The following SLC30A7 variants were observed in gnomAD, a reference collection of about 807,000 sequenced individuals.
SLC30A7 encodes the protein solute carrier family 30 member 7, also known as zinc transporter 7.
A neutral mutation model predicts 46.0 loss-of-function variants in SLC30A7; 35 were observed. The observed-to-expected ratio is 0.76, with a 90% CI of 0.58 to 1.01. The LOEUF (loss-of-function observed/expected upper bound fraction) is 1.01, where lower values mean the gene tolerates loss of function less well. Ranked by LOEUF, SLC30A7 falls within the 50% of genes least tolerant of loss-of-function variation. The pLI, the probability that SLC30A7 is intolerant of heterozygous loss-of-function variation, is 0.00. For synonymous variants in SLC30A7, 147 were observed against 157.8 expected (o/e 0.93, Z 0.51); for missense variants, 464 against 451.1 (o/e 1.03, Z -0.26).
At chr1:100,988,396 T>C in the SLC30A7 span, among the ~76,000 whole-genome samples, 1,219 of 152,300 alleles carry the variant, frequency 8.0e-3, 13 homozygotes, top group African/African-American at 0.028. Flanking sequence ...CAGTTTATAA[T>C]TGGGAGGGTT....
chr1:100,969,615 C>G (rs1656047914), intron 10 of SLC30A7, among the ~76,000 whole-genome samples: 1 of 152,216 alleles, frequency 6.6e-6, no homozygotes, highest in South Asian at 2.1e-4. Context: ...GTTTATTCAG[C>G]TGCTTCTTTG....
At chr1:100,967,610 C>T (rs969157262) in intron 10 of SLC30A7, among the ~76,000 whole-genome samples, 4 of 152,172 alleles carry the variant, frequency 2.6e-5, no homozygotes, top group African/African-American at 9.7e-5. Context: ...CAGAACATGA[C>T]CTATGTGGTA....
chr1:100,990,439 C>G, the SLC30A7 span: 15 of 1,614,034 alleles, frequency 9.3e-6, no homozygotes, highest in African/African-American at 2.0e-4. Flanking sequence ...AGATTCTGAG[C>G]TATTTTCTGG....
At chr1:100,992,714 C>G in the SLC30A7 span, 1 of 1,613,282 alleles carries the variant, frequency 6.2e-7, no homozygotes, top group Non-Finnish European at 8.5e-7. Context: ...ACTCATATAC[C>G]GTGGAGGTTC....
chr1:100,965,616 G>C (rs1655815696), intron 9 of SLC30A7, among the ~76,000 whole-genome samples, 153 bp from the exon 10 acceptor site: 1 of 152,126 alleles, frequency 6.6e-6, no homozygotes, highest in Non-Finnish European at 1.5e-5. Flanking sequence ...TAGTACTCAA[G>C]AGTATTTATT....
At chr1:100,911,562 A>C (rs533968396) in intron 4 of SLC30A7, among the ~76,000 whole-genome samples, 5 of 152,136 alleles carry the variant, frequency 3.3e-5, no homozygotes, top group African/African-American at 1.2e-4. Context: ...TTATTTATTT[A>C]GTTTTTGAGA....
intron 6 of SLC30A7, 150 bp from the exon 7 acceptor site, chr1:100,917,927 T>C (rs1251622045): frequency 4.3e-6 from 2 of 469,190 alleles, no homozygotes; most frequent in African/African-American, 4.0e-5. Flanking sequence ...ACTCAATTAT[T>C]TTATTAAATT....
chr1:100,910,959 A>G, intron 3 of SLC30A7, 104 bp from the exon 4 acceptor site: 1 of 864,772 alleles, frequency 1.2e-6, no homozygotes. Flanking sequence ...CTGGCCACTT[A>G]TAACCATGTA....
At chr1:100,904,151 C>T (rs1192263636) in intron 2 of SLC30A7, among the ~76,000 whole-genome samples, 2 of 152,112 alleles carry the variant, frequency 1.3e-5, no homozygotes, top group Non-Finnish European at 2.9e-5. Context: ...GGTCACGGAA[C>T]TAGTAAATTT....
intron 7 of SLC30A7, among the ~76,000 whole-genome samples, chr1:100,920,569 A>G (rs1329952597): frequency 2.0e-5 from 3 of 152,122 alleles, no homozygotes; most frequent in African/African-American, 7.2e-5. Flanking sequence ...TTTATATTTA[A>G]TATAATATTT....
chr1:100,901,419 T>C (rs1401369667), intron 2 of SLC30A7, among the ~76,000 whole-genome samples: 1 of 152,222 alleles, frequency 6.6e-6, no homozygotes, highest in African/African-American at 2.4e-5. Context: ...CTTCTGTATT[T>C]ATGTATTCAG....
intron 10 of SLC30A7, among the ~76,000 whole-genome samples, chr1:100,967,613 A>G (rs1655936650): frequency 6.6e-6 from 1 of 152,212 alleles, no homozygotes; most frequent in African/African-American, 2.4e-5. Context: ...AACATGACCT[A>G]TGTGGTACTC....
At chr1:100,984,747 A>G (rs1006928629), downstream of SLC30A7, among the ~76,000 whole-genome samples, 1 of 152,246 alleles carries the variant, frequency 6.6e-6, no homozygotes, top group African/African-American at 2.4e-5. Flanking sequence ...TGTCCAAGCT[A>G]TAATCCAAAA....
the SLC30A7 span, among the ~76,000 whole-genome samples, chr1:100,987,235 T>G: frequency 1.3e-5 from 2 of 152,328 alleles, no homozygotes; most frequent in African/African-American, 2.4e-5. Context: ...CCACTTGGGG[T>G]TCACTCAGTT....
chr1:100,899,873 A>G (rs1651192600), intron 2 of SLC30A7, among the ~76,000 whole-genome samples: 1 of 151,954 alleles, frequency 6.6e-6, no homozygotes, highest in African/African-American at 2.4e-5. Context: ...CTTTCACTAA[A>G]ATTTTATCAC....
intron 8 of SLC30A7, among the ~76,000 whole-genome samples, chr1:100,923,882 A>G (rs1205240199): frequency 6.6e-6 from 1 of 152,236 alleles, no homozygotes; most frequent in Non-Finnish European, 1.5e-5. Flanking sequence ...TAGATGTCCC[A>G]TATTCTGTGA....
intron 8 of SLC30A7, among the ~76,000 whole-genome samples, chr1:100,958,447 A>G (rs1041667388): frequency 2.0e-5 from 3 of 152,168 alleles, no homozygotes; most frequent in African/African-American, 7.2e-5. Context: ...AAGTGCTGGG[A>G]TTACAGGCGT....
At chr1:100,965,950 C>A (rs765796802) in intron 10 of SLC30A7, 32 bp downstream of exon 10, 3 of 1,564,248 alleles carry the variant, frequency 1.9e-6, no homozygotes, top group African/African-American at 2.8e-5. Context: ...CTTTTAAGGG[C>A]CTTAACATTT....
intron 8 of SLC30A7, among the ~76,000 whole-genome samples, chr1:100,944,769 G>A (rs1007803181): frequency 2.0e-5 from 3 of 151,390 alleles, no homozygotes; most frequent in Non-Finnish European, 2.9e-5. Flanking sequence ...ATAAACATAC[G>A]TGTGCATGTG....
Sources: allele counts gnomAD v4.1 joint callset (sites outside exome capture counted in the v4.1 genomes callset), GRCh38; gene constraint gnomAD v4.1.1; transcripts MANE v1.5; gene names NCBI Gene and HGNC (gene_info 2026-07-23, HGNC 2026-07-21).